Variants in MDM2 observed in about 807,000 individuals in gnomAD.
MDM2 encodes MDM2 proto-oncogene.
In MDM2, 11 loss-of-function variants were observed where a neutral mutation model predicts 64.3. The ratio of observed to expected loss-of-function variants is 0.17; its 90% CI spans 0.11 to 0.28. The LOEUF is 0.28. Ranked by LOEUF, MDM2 falls within the 10% of genes least tolerant of loss-of-function variation. The pLI, the probability that MDM2 is intolerant of heterozygous loss-of-function variation, is 1.00. For missense variants in MDM2, 388 were observed against 577.1 expected (o/e 0.67, Z 3.36); for synonymous variants, 194 against 192.9 (o/e 1.01, Z -0.05).
Position 68,840,778 on chromosome 12 carries a change from A to T in MDM2, c.*929A>T. ...CGCCTCGGCCTCCCGAAGTGCTGGG[A>T]TTGCAGATGTGAGCCACCATGTCCA... On this transcript the variant is annotated 3_prime_UTR_variant, in exon 11 of 11. Coordinates refer to ENST00000258149, the MANE Select transcript of MDM2 (RefSeq NM_002392.6). The T allele has an allele frequency of 1.3e-5, 2 of 148,782 alleles. No individual in the cohort carries two copies. The highest frequency in any genetic ancestry group is 1.6e-4 in the East Asian group (1 of 6,240). 9.2% of individuals were successfully genotyped at this position (148,782 alleles called of 1,614,324 possible). A position where few individuals can be genotyped will look rare whatever the true frequency, so the allele number is the denominator to read the frequency against.
Position 68,809,300 on chromosome 12 carries a change from T to A in MDM2, c.99+8T>A. The A allele has an allele frequency of 6.2e-7, 1 of 1,612,274 alleles. No homozygotes were observed. Among genetic ancestry groups the A allele is most frequent in the Admixed American group, 1.7e-5 (1 of 59,916 alleles). ...TCGGAACAAGAGACCCTGGTTAGTATTTTTGTCTCGTGTAACTTTTAAGAA... is the reference window on the plus strand; with the variant it reads ...TCGGAACAAGAGACCCTGGTTAGTAATTTTGTCTCGTGTAACTTTTAAGAA... On this transcript the variant is annotated splice_region_variant and intron_variant, in intron 2 of 10. Transcript: ENST00000258149.
chr12:68,826,145 T>C (rs1243528470), intron 7 of MDM2, among the ~76,000 whole-genome samples: 1 of 151,928 alleles, frequency 6.6e-6, no homozygotes, highest in South Asian at 2.1e-4. Context: ...CTAATAAATA[T>C]GGGGAGAGGG....
chr12:68,813,801 C>T (rs915587453), intron 3 of MDM2, among the ~76,000 whole-genome samples, 173 bp downstream of exon 3: 1 of 152,148 alleles, frequency 6.6e-6, no homozygotes, highest in Non-Finnish European at 1.5e-5. Context: ...TAATTATACT[C>T]GAGTTTCATT....
intron 7 of MDM2, among the ~76,000 whole-genome samples, chr12:68,826,279 G>A (rs1882311953): frequency 6.6e-6 from 1 of 152,028 alleles, no homozygotes; most frequent in Non-Finnish European, 1.5e-5. Flanking sequence ...AATAACTTGT[G>A]TATTAGCACT....
At chr12:68,819,225 A>G (rs529634237) in intron 4 of MDM2, among the ~76,000 whole-genome samples, 2 of 152,296 alleles carry the variant, frequency 1.3e-5, no homozygotes, top group East Asian at 3.9e-4. Context: ...TCCTCTTAAT[A>G]TTGAGTGAGA....
chr12:68,836,207 C>G (rs1249040378), intron 9 of MDM2, among the ~76,000 whole-genome samples: 1 of 151,942 alleles, frequency 6.6e-6, no homozygotes, highest in African/African-American at 2.4e-5. Flanking sequence ...GTCAATAGAC[C>G]TCAATGAACA....
At position 68,844,704 on chromosome 12, in the gene MDM2, C is replaced by T. The variant is rs1006596090; in HGVS notation, c.*4855C>T. 3 of 219,870 alleles carry T rather than the reference C, an allele frequency of 1.4e-5. No homozygotes were observed. Among genetic ancestry groups the T allele is most frequent in the Admixed American group, 5.8e-5 (1 of 17,304 alleles). The allele number at this position is 219,870 out of a possible 1,614,324, so 13.6% of individuals were successfully genotyped here. On this transcript the variant is annotated 3_prime_UTR_variant, in exon 11 of 11. Transcript: ENST00000258149. ...GGAGCTTGTGGGCCCCTAAGCCAGA[C>T]GGGGACTAGCTTTTGGCATTATATA...
rs3730604 is a variant in MDM2, at chr12:68,828,620, TCTG to T, written c.524-147_524-145del. Reference sequence around the variant, plus strand: ...ATAAATAAATACACACAGATAGTGTTCTGCTGTAACAGTTGGACAGATTCAATA... The same window carrying T: ...ATAAATAAATACACACAGATAGTGTTCTGTAACAGTTGGACAGATTCAATA... On this transcript the variant is annotated intron_variant, in intron 7 of 10. Transcript: ENST00000258149. 4,034 of 620,058 alleles carry T rather than the reference TCTG, an allele frequency of 6.5e-3. 132 individuals are homozygous for T. The African/African-American group carries it at 0.067, about 10-fold the overall frequency. The allele number at this position is 620,058 out of a possible 1,614,324, so 38.4% of individuals were successfully genotyped here. A position where few individuals can be genotyped will look rare whatever the true frequency, so the allele number is the denominator to read the frequency against.
chr12:68,808,969 C>G, intron 1 of MDM2: 1 of 1,411,314 alleles, frequency 7.1e-7, no homozygotes, highest in Non-Finnish European at 9.2e-7. Context: ...GGAGTTAAGT[C>G]CTGACTTGTC....
intron 4 of MDM2, 61 bp downstream of exon 4, chr12:68,817,006 T>G: frequency 4.5e-6 from 7 of 1,553,402 alleles, no homozygotes; most frequent in African/African-American, 1.4e-5. Flanking sequence ...AGTTCACCTC[T>G]ACCCTCATTC....
At chr12:68,828,581 AAAT>A (rs1259789016) in intron 7 of MDM2, 187 bp from the exon 8 acceptor site, 20 of 506,308 alleles carry the variant, frequency 4.0e-5, no homozygotes, top group Non-Finnish European at 4.5e-5. Flanking sequence ...CTCAGACAAT[AAAT>A]AAATAAACAA....
chr12:68,848,997 C>T (rs1423242797), downstream of MDM2: 1 of 151,928 alleles, frequency 6.6e-6, no homozygotes, highest in Non-Finnish European at 1.5e-5. Flanking sequence ...AGGCATGAGC[C>T]ACCGCACCCA....
At chr12:68,816,173 C>A (rs1881351245) in intron 3 of MDM2, among the ~76,000 whole-genome samples, 1 of 152,018 alleles carries the variant, frequency 6.6e-6, no homozygotes, top group South Asian at 2.1e-4. Flanking sequence ...ATTTTTGTTT[C>A]TGCAACTTTT....
At chr12:68,838,060 T>C (rs1883451711) in intron 10 of MDM2, among the ~76,000 whole-genome samples, 2 of 152,242 alleles carry the variant, frequency 1.3e-5, no homozygotes, top group Admixed American at 1.3e-4. Context: ...TTGGAATTTA[T>C]TGGACTTTTT....
At chr12:68,810,146 T>A (rs1592565771) in intron 2 of MDM2, among the ~76,000 whole-genome samples, 2 of 152,216 alleles carry the variant, frequency 1.3e-5, no homozygotes. Context: ...AACCTGTCTC[T>A]ACTAAAAATA....
rs1408332986 is a variant in MDM2, at chr12:68,839,950, C to T, written c.*101C>T. 4 of 1,035,698 alleles carry T rather than the reference C, an allele frequency of 3.9e-6. No individual in the cohort carries two copies. Among genetic ancestry groups the T allele is most frequent in the East Asian group, 5.2e-5 (2 of 38,448 alleles). 64.2% of individuals were successfully genotyped at this position (1,035,698 alleles called of 1,614,324 possible). ...CATATATCAAAGTGAGAAAATGCCT[C>T]AATTCACATAGATTTCTTCTCTTTA... On this transcript the variant is annotated 3_prime_UTR_variant, in exon 11 of 11. Transcript: ENST00000258149.
At position 68,839,227 on chromosome 12, in the gene MDM2, C is replaced by T. The variant is rs375303725; in HGVS notation, c.919-47C>T. On this transcript the variant is annotated intron_variant, in intron 10 of 10. Transcript: ENST00000258149. The stretch of plus-strand genomic sequence containing the variant: ...AGTTGCTAGCATTCCTGTGACTGAG[C>T]AGTTAAAGGGTTACAGAAACTGACT... The T allele has an allele frequency of 1.4e-3, 2,124 of 1,538,928 alleles. 5 individuals carry two copies. Among genetic ancestry groups the T allele is most frequent in the South Asian group, 2.8e-3 (228 of 80,306 alleles).
chr12:68,824,627 A>G lies in MDM2; in HGVS notation c.499A>G (p.Arg167Gly). Residue 167 changes from arginine (R) to glycine (G), a missense_variant, in exon 7 of 11, where the codon AGA becomes GGA. Physicochemically the swap from Arg to Gly is moderately radical, Grantham distance 125 (BLOSUM62 -2). Transcript: ENST00000258149. ...GGTTTCTAGACCATCTACCTCATCT[A>G]GAAGGAGAGCAATTAGTGAGACAGG... ...HLVSRPSTSSRRRAISETEEN... is the reference protein window; with the variant it reads ...HLVSRPSTSSGRRAISETEEN... The G allele has an allele frequency of 6.2e-7, 1 of 1,609,608 alleles. No homozygotes were observed. The highest frequency in any genetic ancestry group is 1.7e-5 in the Admixed American group (1 of 59,654).
At chr12:68,826,647 T>TCAAAAAAA (rs756911468) in intron 7 of MDM2, among the ~76,000 whole-genome samples, 5 of 91,404 alleles carry the variant, frequency 5.5e-5, no homozygotes, top group African/African-American at 1.6e-4. Context: ...AGACTCCCTC[T>TCAAAAAAA]TAAAAAAAAA....
Sources: allele counts gnomAD v4.1 joint callset (sites outside exome capture counted in the v4.1 genomes callset), GRCh38; gene constraint gnomAD v4.1.1; transcripts MANE v1.5; gene names NCBI Gene and HGNC (gene_info 2026-07-23, HGNC 2026-07-21).